Variants in HLCS observed in about 807,000 individuals in gnomAD.
HLCS encodes biotin--protein ligase.
HLCS carries 53 observed loss-of-function variants against 75.0 expected under a neutral mutation model. The observed-to-expected ratio is 0.71, with a 90% CI of 0.57 to 0.89. HLCS has a LOEUF of 0.89. HLCS is among the 40% of genes least tolerant of loss of function. The probability of loss-of-function intolerance (pLI) is 0.00; values close to 1 mark genes in which losing one functional copy is unlikely to be tolerated. For missense variants in HLCS, 966 were observed against 1,074.0 expected (o/e 0.90, Z 1.41); for synonymous variants, 431 against 428.6 (o/e 1.01, Z -0.07).
rs568295509 is a variant in HLCS, at chr21:36,777,604, C to T, written c.1893-10319G>A. On this transcript the variant is annotated intron_variant, in intron 6 of 10. Transcript: ENST00000674895. ...CTTTAATCTGGTTCAGTTTCTTAGT[C>T]TTTTTGTTTTTCATGATCCAGACAT... Among the ~76,000 whole-genome samples the T allele has an allele frequency of 4.6e-5, 7 of 152,306 alleles. No homozygotes were observed. In the East Asian group the frequency reaches 1.2e-3, roughly 25 times the overall value.
intron 5 of HLCS, among the ~76,000 whole-genome samples, chr21:36,902,358 G>GT (rs917933561): frequency 6.6e-6 from 1 of 152,192 alleles, no homozygotes; most frequent in Non-Finnish European, 1.5e-5. Flanking sequence ...GTGGGACCTA[G>GT]CACAGAAGCA....
intron 5 of HLCS, among the ~76,000 whole-genome samples, chr21:36,901,236 C>T (rs1332552657): frequency 1.3e-5 from 2 of 151,616 alleles, no homozygotes; most frequent in East Asian, 1.9e-4. Context: ...GAGAAAGACT[C>T]GGTCTCAAAA....
chr21:36,898,124 G>A, intron 5 of HLCS, among the ~76,000 whole-genome samples: 1 of 152,122 alleles, frequency 6.6e-6, no homozygotes, highest in East Asian at 1.9e-4. Flanking sequence ...ATACAGAGGA[G>A]AAGAGAACGA....
intron 6 of HLCS, among the ~76,000 whole-genome samples, chr21:36,798,000 G>A (rs1347527033): frequency 6.6e-6 from 1 of 152,084 alleles, no homozygotes; most frequent in Non-Finnish European, 1.5e-5. Flanking sequence ...AGTAGTGAGA[G>A]CTAAGGATGG....
At chr21:36,871,451 G>A (rs2063765990) in intron 6 of HLCS, among the ~76,000 whole-genome samples, 1 of 152,090 alleles carries the variant, frequency 6.6e-6, no homozygotes, top group African/African-American at 2.4e-5. Flanking sequence ...AGACAAGGAA[G>A]GAAAACAAAG....
chr21:36,876,241 G>C (rs78142258), intron 6 of HLCS, among the ~76,000 whole-genome samples: 1 of 152,140 alleles, frequency 6.6e-6, no homozygotes, highest in South Asian at 2.1e-4. Context: ...CAGCAGGCCC[G>C]AACAAAACTC....
chr21:36,810,947 C>T lies in HLCS; in HGVS notation c.1893-43662G>A, dbSNP rs1365016362. Among the ~76,000 whole-genome samples, 3 of 152,014 alleles carry T rather than the reference C, an allele frequency of 2.0e-5. No individual in the cohort carries two copies. The East Asian group carries it at 5.8e-4, about 29-fold the overall frequency. On this transcript the variant is annotated intron_variant, in intron 6 of 10. Transcript: ENST00000674895. ...TAATTTGAGCAAAGAGAATAAGGATCATAATTAATAATAAAATTCTGAAGA... is the reference window on the plus strand; with the variant it reads ...TAATTTGAGCAAAGAGAATAAGGATTATAATTAATAATAAAATTCTGAAGA...
chr21:36,828,489 T>C (rs1209465259), intron 6 of HLCS, among the ~76,000 whole-genome samples: 1 of 152,318 alleles, frequency 6.6e-6, no homozygotes, highest in East Asian at 1.9e-4. Flanking sequence ...ACTCTTTTTT[T>C]CCTTTATTCT....
intron 6 of HLCS, among the ~76,000 whole-genome samples, chr21:36,786,322 C>T (rs932003273): frequency 1.3e-5 from 2 of 151,662 alleles, no homozygotes; most frequent in South Asian, 2.1e-4. Context: ...AGTACCATAC[C>T]GCCAAAGGTG....
intron 6 of HLCS, among the ~76,000 whole-genome samples, chr21:36,810,930 G>C (rs1437666687): frequency 6.6e-6 from 1 of 152,158 alleles, no homozygotes; most frequent in African/African-American, 2.4e-5. Flanking sequence ...GATAATTTGA[G>C]CAAAGAGAAT....
intron 6 of HLCS, among the ~76,000 whole-genome samples, chr21:36,825,814 G>C (rs1241153552): frequency 5.9e-5 from 9 of 152,192 alleles, no homozygotes. Context: ...CAATTTCACG[G>C]ATAAAAGACA....
In HLCS at chr21:36,765,074, A is replaced by G; in HGVS notation, c.2059T>C (p.Phe687Leu). Residue 687 changes from phenylalanine to leucine, a missense_variant, in exon 8 of 11, where the codon TTT becomes CTT. Coordinates refer to ENST00000674895, the MANE Select transcript of HLCS (RefSeq NM_001352514.2). ...LRSQLGQRIP[F>L]VQHLMSVAVV... is the part of the protein sequence containing the mutation. ...GCCACGGACATCAGATGCTGGACAA[A>G]CGGGATCCTCTGTCCCAGCTGGGAT... The G allele has an allele frequency of 6.2e-7, 1 of 1,614,208 alleles. No individual in the cohort carries two copies. The highest frequency in any genetic ancestry group is 1.1e-5 in the South Asian group (1 of 91,082).
chr21:36,981,662 A>AG (rs1305466852), intron 1 of HLCS, among the ~76,000 whole-genome samples: 1 of 151,994 alleles, frequency 6.6e-6, no homozygotes, highest in Non-Finnish European at 1.5e-5. Flanking sequence ...AGCCTCCCAA[A>AG]GTGCTGGGGT....
At chr21:36,944,614 A>C (rs552333632) in intron 2 of HLCS, among the ~76,000 whole-genome samples, 1 of 151,474 alleles carries the variant, frequency 6.6e-6, no homozygotes, top group African/African-American at 2.4e-5. Context: ...TTGGTTTTTT[A>C]ATTGTTGTTG....
chr21:36,941,372 T>C (rs1302284990), intron 2 of HLCS, among the ~76,000 whole-genome samples: 1 of 152,224 alleles, frequency 6.6e-6, no homozygotes, highest in Non-Finnish European at 1.5e-5. Context: ...ATTAAACCTC[T>C]TTCCTTTAAA....
chr21:36,758,627 G>A (rs996087736), intron 9 of HLCS, among the ~76,000 whole-genome samples: 1 of 152,092 alleles, frequency 6.6e-6, no homozygotes, highest in African/African-American at 2.4e-5. Context: ...AGCCATCCAT[G>A]AGCCTGCTTG....
intron 6 of HLCS, among the ~76,000 whole-genome samples, chr21:36,871,896 A>G (rs959066361): frequency 6.6e-5 from 10 of 152,328 alleles, no homozygotes; most frequent in Admixed American, 1.3e-4. Flanking sequence ...ATCCTCAACA[A>G]TATCTGTTTT....
chr21:36,764,473 G>A (rs2089963437), intron 8 of HLCS, among the ~76,000 whole-genome samples: 1 of 152,160 alleles, frequency 6.6e-6, no homozygotes, highest in African/African-American at 2.4e-5. Context: ...GGAAGCTGAA[G>A]CAGGCAGACT....
chr21:36,820,378 G>A (rs148269133), intron 6 of HLCS, among the ~76,000 whole-genome samples: 2,192 of 152,208 alleles, frequency 0.014, 49 homozygotes, highest in African/African-American at 0.047. Context: ...CGGCCGGGCC[G>A]CCGACTGGGA....
Sources: gnomAD v4.1 joint callset for allele counts (sites outside exome capture counted in the v4.1 genomes callset) on GRCh38, gnomAD v4.1.1 for gene constraint, MANE v1.5 for transcripts, NCBI Gene and HGNC (gene_info 2026-07-23, HGNC 2026-07-21) for gene names.